ZRANB3: variants seen among roughly 807,000 people sequenced by gnomAD.
The protein encoded by ZRANB3 is DNA annealing helicase and endonuclease ZRANB3.
In ZRANB3, 125 loss-of-function variants were observed where a neutral mutation model predicts 133.8. The ratio of observed to expected loss-of-function variants is 0.93; its 90% CI spans 0.81 to 1.08. The LOEUF is 1.08. ZRANB3 is among the 50% of genes least tolerant of loss of function. ZRANB3 has a pLI of 0.00. For missense variants in ZRANB3, 1,229 were observed against 1,275.5 expected, an observed-to-expected ratio of 0.96 and a Z score of 0.56; for synonymous variants, 387 against 432.7, an observed-to-expected ratio of 0.89 and a Z score of 1.31.
intron 2 of ZRANB3, among the ~76,000 whole-genome samples, chr2:135,431,910 A>G (rs1245835369): frequency 3.3e-5 from 5 of 152,210 alleles, no homozygotes; most frequent in Admixed American, 1.3e-4. Context: ...ATGAAGGTAT[A>G]TAACACTGAA....
Position 135,229,366 on chromosome 2 carries a change from ATTT to A in ZRANB3, c.1954+1144_1954+1146del, listed in dbSNP as rs528864234. 3.0e-3 allele frequency among the ~76,000 whole-genome samples: 409 copies of A among 136,586 alleles called. 2 individuals carry two copies. The highest frequency in any genetic ancestry group is 0.01 in the African/African-American group (373 of 36,336). 89.6% of individuals were successfully genotyped at this position (136,586 alleles called of 152,430 possible). ...TAGCTGAGTCTTTGTCAATGCCAAT[ATTT>A]TTTTTTTTTTTTTTTTGAGACGGAG... On this transcript the variant is annotated intron_variant, in intron 13 of 20. Transcript: ENST00000264159.
At chr2:135,264,861 G>C (rs1210677028) in intron 12 of ZRANB3, among the ~76,000 whole-genome samples, 1 of 151,586 alleles carries the variant, frequency 6.6e-6, no homozygotes, top group African/African-American at 2.4e-5. Flanking sequence ...CGATTCTTGT[G>C]CCTCAGCCTC....
intron 2 of ZRANB3, among the ~76,000 whole-genome samples, chr2:135,391,246 T>G (rs1295719535): frequency 6.6e-6 from 1 of 152,158 alleles, no homozygotes; most frequent in Non-Finnish European, 1.5e-5. Context: ...GAGAGGTGTT[T>G]ATAAGTATGA....
chr2:135,249,157 T>A (rs778077629), intron 12 of ZRANB3, among the ~76,000 whole-genome samples: 1 of 152,158 alleles, frequency 6.6e-6, no homozygotes, highest in Non-Finnish European at 1.5e-5. Flanking sequence ...GGAGTGTAAA[T>A]TAGTTCAACT....
At chr2:135,380,546 C>T (rs1686643122) in intron 3 of ZRANB3, among the ~76,000 whole-genome samples, 1 of 152,150 alleles carries the variant, frequency 6.6e-6, no homozygotes, top group South Asian at 2.1e-4. Flanking sequence ...AACTGAACAA[C>T]CTGCTCCTGA....
chr2:135,270,789 G>A (rs1174631628), intron 10 of ZRANB3, among the ~76,000 whole-genome samples: 6 of 152,186 alleles, frequency 3.9e-5, no homozygotes, highest in African/African-American at 1.4e-4. Flanking sequence ...TCTTTGGCAT[G>A]TACCAGCTTG....
Position 135,474,807 on chromosome 2 carries a change from A to T in ZRANB3, c.161+29522T>A, listed in dbSNP as rs141874961. Among the ~76,000 whole-genome samples, 34 of 152,372 alleles carry T rather than the reference A, an allele frequency of 2.2e-4. No homozygotes were observed. In the East Asian group the frequency reaches 6.2e-3, roughly 28 times the overall value. On this transcript the variant is annotated intron_variant, in intron 2 of 20. Transcript: ENST00000264159. ...AGTTCGGTTTAAATATAGTACAGTT[A>T]CTATGATAAGCTGAAAGTTCAATAT...
chr2:135,339,496 C>A (rs1684530478), intron 6 of ZRANB3, among the ~76,000 whole-genome samples: 1 of 151,916 alleles, frequency 6.6e-6, no homozygotes, highest in Admixed American at 6.6e-5. Flanking sequence ...GTGGGAGGAT[C>A]ACCTGAGCCA....
intron 2 of ZRANB3, among the ~76,000 whole-genome samples, chr2:135,474,011 C>T (rs1278341884): frequency 6.6e-6 from 1 of 152,026 alleles, no homozygotes; most frequent in African/African-American, 2.4e-5. Context: ...ACAGTGAAAC[C>T]CTGTCTCTAC....
chr2:135,296,227 G>A (rs1241798318), intron 8 of ZRANB3, among the ~76,000 whole-genome samples: 4 of 152,192 alleles, frequency 2.6e-5, no homozygotes, highest in African/African-American at 9.7e-5. Flanking sequence ...ATCAGACGTA[G>A]ATTTGGTCTT....
intron 2 of ZRANB3, among the ~76,000 whole-genome samples, chr2:135,465,033 T>C (rs931969896): frequency 4.6e-5 from 7 of 152,164 alleles, no homozygotes; most frequent in African/African-American, 9.7e-5. Flanking sequence ...TTTCAGTCTA[T>C]AGGAGAGCAA....
chr2:135,251,478 C>G (rs1679391559), intron 12 of ZRANB3, among the ~76,000 whole-genome samples: 1 of 152,012 alleles, frequency 6.6e-6, no homozygotes, highest in Admixed American at 6.5e-5. Context: ...TGTCCCCACC[C>G]AAATCTCAAC....
At chr2:135,405,799 T>A (rs1481840112) in intron 2 of ZRANB3, among the ~76,000 whole-genome samples, 1 of 152,084 alleles carries the variant, frequency 6.6e-6, no homozygotes, top group Non-Finnish European at 1.5e-5. Flanking sequence ...CACACCAGAA[T>A]CTCTGGGACA....
chr2:135,378,023 C>A (rs762016664), intron 3 of ZRANB3, among the ~76,000 whole-genome samples: 1 of 152,230 alleles, frequency 6.6e-6, no homozygotes, highest in Non-Finnish European at 1.5e-5. Flanking sequence ...GAACATTGGA[C>A]TCCCAAGTTC....
In ZRANB3 at chr2:135,504,163, C is replaced by T. The variant is rs1359048739; in HGVS notation, c.161+166G>A. On this transcript the variant is annotated intron_variant, in intron 2 of 20. Coordinates refer to ENST00000264159, the MANE Select transcript of ZRANB3 (RefSeq NM_032143.4). ...TCACAATTGGTTCAATATATTTCAA[C>T]ATGAAGTATAAGTCAACCATAGTAA... 7.9e-6 allele frequency: 6 copies of T among 756,454 alleles called. No homozygotes were observed. The East Asian group carries it at 1.4e-4, about 17-fold the overall frequency. The allele number at this position is 756,454 out of a possible 1,614,324, so 46.9% of individuals were successfully genotyped here.
At chr2:135,530,255 G>A (rs577051911) in intron 1 of ZRANB3, among the ~76,000 whole-genome samples, 6 of 151,614 alleles carry the variant, frequency 4.0e-5, no homozygotes, top group Admixed American at 2.0e-4. Context: ...TCAGAACTTC[G>A]GAGCCCTGTC....
At chr2:135,518,526 T>C (rs1693792607) in intron 1 of ZRANB3, among the ~76,000 whole-genome samples, 1 of 152,156 alleles carries the variant, frequency 6.6e-6, no homozygotes. Flanking sequence ...CCCTGACCCC[T>C]TGCACTTCCC....
At chr2:135,525,738 C>A (rs1455297763) in intron 1 of ZRANB3, among the ~76,000 whole-genome samples, 2 of 151,302 alleles carry the variant, frequency 1.3e-5, no homozygotes, top group East Asian at 3.9e-4. Context: ...ATCCCAGCTA[C>A]TCGAGACAGT....
chr2:135,395,484 G>GT (rs1553484866), intron 2 of ZRANB3, among the ~76,000 whole-genome samples: 1 of 145,692 alleles, frequency 6.9e-6, no homozygotes, highest in Non-Finnish European at 1.5e-5. Flanking sequence ...TTGAGACACA[G>GT]TTTCATTCTG....
Sources: gnomAD v4.1 joint callset for allele counts (sites outside exome capture counted in the v4.1 genomes callset) on GRCh38, gnomAD v4.1.1 for gene constraint, MANE v1.5 for transcripts, NCBI Gene and HGNC (gene_info 2026-07-23, HGNC 2026-07-21) for gene names.